JAM3: variants seen among roughly 807,000 people sequenced by gnomAD.
The protein encoded by JAM3 is junctional adhesion molecule C.
A neutral mutation model predicts 39.4 loss-of-function variants in JAM3; 31 were observed. The ratio of observed to expected loss-of-function variants is 0.79; its 90% CI spans 0.59 to 1.06. JAM3 has a LOEUF of 1.06. Among genes scored for constraint, JAM3 ranks in the 50% least tolerant of loss-of-function variants. The probability of loss-of-function intolerance (pLI) is 0.00; values close to 1 mark genes in which losing one functional copy is unlikely to be tolerated. For missense variants in JAM3, 455 were observed against 391.4 expected (o/e 1.16, Z -1.37); for synonymous variants, 182 against 148.7 (o/e 1.22, Z -1.63).
chr11:134,095,725 G>A lies in JAM3; in HGVS notation c.76+26566G>A, dbSNP rs180985711. ...GGTTAAAGCACTACGGAAGTACTCA[G>A]TTACGAGTGTGCTGTTAACTTGCTA... is the stretch of plus-strand genomic sequence containing the variant. On this transcript the variant is annotated intron_variant, in intron 1 of 8. Coordinates refer to ENST00000299106, the MANE Select transcript of JAM3 (RefSeq NM_032801.5). 7.2e-5 allele frequency among the ~76,000 whole-genome samples: 11 copies of A among 152,252 alleles called. No homozygotes were observed. The East Asian group carries it at 1.5e-3, about 21-fold the overall frequency.
In JAM3 at chr11:134,140,718, G is replaced by A; in HGVS notation, c.204G>A (p.Lys68=). The A allele has an allele frequency of 6.2e-7, 1 of 1,613,712 alleles. No individual in the cohort carries two copies. The highest frequency in any genetic ancestry group is 8.5e-7 in the Non-Finnish European group (1 of 1,179,846). Residue 68 remains lysine (K), a synonymous_variant, in exon 3 of 9, where the codon AAG becomes AAA. Coordinates refer to ENST00000299106, the MANE Select transcript of JAM3 (RefSeq NM_032801.5). ...SQTSDPRIEW[K]KIQDEQTTYV... ...CAAGTGACCCCAGGATCGAGTGGAA[G>A]AAAATTCAAGATGAACAAACCACAT...
At chr11:134,115,853 C>T (rs189452375) in intron 1 of JAM3, among the ~76,000 whole-genome samples, 8 of 152,100 alleles carry the variant, frequency 5.3e-5, no homozygotes, top group East Asian at 3.9e-4. Context: ...GCCATGATTG[C>T]GCCACTACAC....
At chr11:134,134,065 T>C (rs555468764) in intron 1 of JAM3, among the ~76,000 whole-genome samples, 1 of 152,062 alleles carries the variant, frequency 6.6e-6, no homozygotes, top group African/African-American at 2.4e-5. Flanking sequence ...AGATGGAAAT[T>C]TTTAGAAAGA....
At chr11:134,128,654 T>TGAG (rs1565499085) in intron 1 of JAM3, among the ~76,000 whole-genome samples, 2 of 151,260 alleles carry the variant, frequency 1.3e-5, no homozygotes, top group Non-Finnish European at 3.0e-5. Context: ...TCTGTCTCTC[T>TGAG]CCTCCTTTCC....
At chr11:134,075,155 C>T (rs1296313543) in intron 1 of JAM3, among the ~76,000 whole-genome samples, 2 of 152,014 alleles carry the variant, frequency 1.3e-5, no homozygotes, top group African/African-American at 4.8e-5. Flanking sequence ...TAATGTCTTC[C>T]CTTTACCAGA....
chr11:134,107,832 T>G (rs1942226385), intron 1 of JAM3, among the ~76,000 whole-genome samples: 1 of 151,826 alleles, frequency 6.6e-6, no homozygotes, highest in African/African-American at 2.4e-5. Flanking sequence ...CACGGCACTC[T>G]GGCTAAGCAA....
At chr11:134,105,247 A>C (rs574428512) in intron 1 of JAM3, among the ~76,000 whole-genome samples, 57 of 152,362 alleles carry the variant, frequency 3.7e-4, no homozygotes, top group Non-Finnish European at 7.3e-4. Context: ...AACCAAAGAC[A>C]AAAACCACAT....
chr11:134,080,668 C>G (rs974518924), intron 1 of JAM3, among the ~76,000 whole-genome samples: 1 of 152,182 alleles, frequency 6.6e-6, no homozygotes, highest in Non-Finnish European at 1.5e-5. Flanking sequence ...AAACCTCTTT[C>G]TTTTGTAAAT....
At chr11:134,093,259 A>G (rs1175391732) in intron 1 of JAM3, among the ~76,000 whole-genome samples, 1 of 133,816 alleles carries the variant, frequency 7.5e-6, no homozygotes, top group Non-Finnish European at 1.6e-5. Context: ...TCCTGAGGGA[A>G]GCTTCTCCTG....
chr11:134,069,717 G>C (rs944955492), intron 1 of JAM3, among the ~76,000 whole-genome samples: 1 of 152,186 alleles, frequency 6.6e-6, no homozygotes, highest in Non-Finnish European at 1.5e-5. Context: ...GCAGTGCTGT[G>C]CTCTCCAGAA....
chr11:134,140,940 T>G (rs1490380745), intron 3 of JAM3, among the ~76,000 whole-genome samples, 170 bp downstream of exon 3: 2 of 151,688 alleles, frequency 1.3e-5, no homozygotes, highest in Non-Finnish European at 2.9e-5. Context: ...TATGCAAAAG[T>G]AATGCAAATG....
At chr11:134,105,709 TAGAC>T (rs1360626901) in intron 1 of JAM3, among the ~76,000 whole-genome samples, 1 of 124,388 alleles carries the variant, frequency 8.0e-6, no homozygotes, top group Admixed American at 7.5e-5. Context: ...ATACCAATAA[TAGAC>T]AAACAGCCAA....
rs149684624 is a variant in JAM3 at position 134,149,078 on chromosome 11, T to C, written c.898-68T>C. On this transcript the variant is annotated intron_variant, in intron 8 of 8. Transcript: ENST00000299106. ...CATCTGTATTTAGCCCATGTTAGAC[T>C]TACTCCGTGTTTTTCCCTGCTTGCC... The C allele has an allele frequency of 7.6e-6, 12 of 1,575,512 alleles. No individual in the cohort carries two copies. In the African/African-American group the frequency reaches 1.5e-4, roughly 19 times the overall value.
At chr11:134,146,702 GAAC>G (rs906934099) in intron 6 of JAM3, among the ~76,000 whole-genome samples, 17 of 152,074 alleles carry the variant, frequency 1.1e-4, no homozygotes, top group Admixed American at 7.9e-4. Flanking sequence ...TGAGTAGCTG[GAAC>G]AACAGGCACA....
At chr11:134,112,467 A>G (rs189017169) in intron 1 of JAM3, among the ~76,000 whole-genome samples, 2 of 152,258 alleles carry the variant, frequency 1.3e-5, no homozygotes, top group East Asian at 3.9e-4. Context: ...TCTAAATGAA[A>G]CTACTATGTG....
intron 1 of JAM3, among the ~76,000 whole-genome samples, chr11:134,092,711 C>T (rs633707): frequency 6.9e-5 from 9 of 129,712 alleles, no homozygotes; most frequent in Non-Finnish European, 1.3e-4. Flanking sequence ...TCATGTTCCA[C>T]CTTACATGTC....
At chr11:134,092,623 C>T (rs1469039068) in intron 1 of JAM3, among the ~76,000 whole-genome samples, 1 of 145,736 alleles carries the variant, frequency 6.9e-6, no homozygotes, top group African/African-American at 2.6e-5. Flanking sequence ...CATCATGTTC[C>T]ACCTTACATC....
Position 134,139,795 on chromosome 11 carries a change from G to A in JAM3, c.77-56G>A, listed in dbSNP as rs370157844. On this transcript the variant is annotated intron_variant, in intron 1 of 8. Transcript: ENST00000299106. Reference sequence around the variant, plus strand: ...CGGGAAAACCTGACCTCAGTGCAAGGTTTCTCTGCCGTTTGAGATACATTG... The same window carrying A: ...CGGGAAAACCTGACCTCAGTGCAAGATTTCTCTGCCGTTTGAGATACATTG... The A allele has an allele frequency of 1.9e-4, 265 of 1,410,194 alleles. 2 individuals are homozygous for A. The highest frequency in any genetic ancestry group is 1.6e-3 in the Middle Eastern group (9 of 5,678). 87.4% of individuals were successfully genotyped at this position (1,410,194 alleles called of 1,614,324 possible). A position where few individuals can be genotyped will look rare whatever the true frequency, so the allele number is the denominator to read the frequency against.
intron 1 of JAM3, among the ~76,000 whole-genome samples, chr11:134,074,577 G>A (rs1344256985): frequency 1.3e-5 from 2 of 152,162 alleles, no homozygotes; most frequent in African/African-American, 2.4e-5. Flanking sequence ...GGAGTCAGCT[G>A]TGGTGTCCTC....
Sources: allele counts gnomAD v4.1 joint callset (sites outside exome capture counted in the v4.1 genomes callset), GRCh38; gene constraint gnomAD v4.1.1; transcripts MANE v1.5; gene names NCBI Gene and HGNC (gene_info 2026-07-23, HGNC 2026-07-21).